Variants in C14orf93 observed in about 807,000 individuals in gnomAD.
C14orf93 encodes the protein uncharacterized protein C14orf93.
In C14orf93, 23 loss-of-function variants were observed where a neutral mutation model predicts 44.0. That is an observed-to-expected ratio of 0.52 (90% CI 0.38 to 0.74). C14orf93 has a LOEUF of 0.74. Ranked by LOEUF, C14orf93 falls within the 30% of genes least tolerant of loss-of-function variation. C14orf93 has a pLI of 0.00. For missense variants in C14orf93, 579 were observed against 678.9 expected (o/e 0.85, Z 1.64); for synonymous variants, 253 against 265.7 (o/e 0.95, Z 0.46).
At chr14:23,009,376 T>C (rs2046775371) in intron 1 of C14orf93, among the ~76,000 whole-genome samples, 1 of 152,176 alleles carries the variant, frequency 6.6e-6, no homozygotes, top group East Asian at 1.9e-4. Context: ...TAAAACCAGA[T>C]ATATTTATCA....
At chr14:23,003,633 A>AAAAAC (rs2046416447) in intron 1 of C14orf93, among the ~76,000 whole-genome samples, 1 of 151,754 alleles carries the variant, frequency 6.6e-6, no homozygotes, top group Admixed American at 6.6e-5. Flanking sequence ...TAAAGATACA[A>AAAAAC]AAAACAAAAC....
At chr14:22,991,603 A>C (rs1594610762) in intron 3 of C14orf93, among the ~76,000 whole-genome samples, 2 of 148,146 alleles carry the variant, frequency 1.4e-5, no homozygotes, top group South Asian at 2.2e-4. Context: ...ACAGAGTCTC[A>C]CTCTGTTGCC....
Position 22,998,574 on chromosome 14 carries a change from G to C in C14orf93, c.450C>G (p.Ser150Arg). Residue 150 changes from serine to arginine, a missense_variant, in exon 2 of 7, where the codon AGC becomes AGG. Transcript: ENST00000299088. ...GCTCCTCAATCACCACCTGCACGCC[G>C]CTGCCCACGCTGTCACACTCCTCTT... is the stretch of plus-strand genomic sequence containing the variant. ...AVEEECDSVGSGVQVVIEELR... is the reference protein window; with the variant it reads ...AVEEECDSVGRGVQVVIEELR... 6.2e-7 allele frequency: 1 copy of C among 1,614,090 alleles called. No homozygotes were observed. The highest frequency in any genetic ancestry group is 8.5e-7 in the Non-Finnish European group (1 of 1,180,006).
intron 5 of C14orf93, 31 bp from the exon 6 acceptor site, chr14:22,988,046 G>GGA: frequency 1.3e-6 from 2 of 1,517,284 alleles, no homozygotes; most frequent in Non-Finnish European, 1.8e-6. Context: ...GGAGCAAGAA[G>GGA]GAGGGTCCTC....
chr14:22,996,983 GCA>G lies in C14orf93; in HGVS notation c.598-717_598-716del, dbSNP rs200829885. Among the ~76,000 whole-genome samples, 401 of 62,236 alleles carry G rather than the reference GCA, an allele frequency of 6.4e-3. 3 individuals carry two copies. The highest frequency in any genetic ancestry group is 0.022 in the South Asian group (52 of 2,352). 40.8% of individuals were successfully genotyped at this position (62,236 alleles called of 152,430 possible). ...TGAAAGTGGGGACACACACGCACAC[GCA>G]CACACACACACACACACACACACAC... On this transcript the variant is annotated intron_variant, in intron 2 of 6. Coordinates refer to ENST00000299088, the MANE Select transcript of C14orf93 (RefSeq NM_021944.4). This position sits in a 1 kb window ranked among gnomAD's most constrained non-coding sequence, Gnocchi z 4.1.
chr14:23,003,782 CAG>C (rs1420429866), intron 1 of C14orf93, among the ~76,000 whole-genome samples: 1 of 136,168 alleles, frequency 7.3e-6, no homozygotes, highest in Non-Finnish European at 1.5e-5. Context: ...GCCTGGGAGA[CAG>C]GGCGAGACTC....
At chr14:23,001,495 C>T (rs1309282037) in intron 1 of C14orf93, among the ~76,000 whole-genome samples, 2 of 152,158 alleles carry the variant, frequency 1.3e-5, no homozygotes, top group African/African-American at 4.8e-5. Context: ...GACGGAGTCT[C>T]GCTCTGTTGC....
rs778633730 is a variant in C14orf93 at position 22,988,010 on chromosome 14, AGGCTCCT to A, written c.1085-2_1089del. The A allele has an allele frequency of 9.3e-6, 15 of 1,610,970 alleles. No individual in the cohort carries two copies. Among genetic ancestry groups the A allele is most frequent in the African/African-American group, 1.3e-5 (1 of 74,804 alleles). On this transcript the variant is annotated splice_acceptor_variant and coding_sequence_variant, in exon 6 of 7. Coordinates refer to ENST00000299088, the MANE Select transcript of C14orf93 (RefSeq NM_021944.4). LOFTEE classifies it high-confidence loss of function. ...CTCTTAGTAAGGAAGTAGGCCACACAGGCTCCTGGCGGGGAGGGAAGGAAGGGAGCAA... is the reference window on the plus strand; with the variant it reads ...CTCTTAGTAAGGAAGTAGGCCACACAGGCGGGGAGGGAAGGAAGGGAGCAA...
chr14:23,004,637 G>C (rs1261350098), intron 1 of C14orf93, among the ~76,000 whole-genome samples: 5 of 152,188 alleles, frequency 3.3e-5, no homozygotes, highest in Non-Finnish European at 5.9e-5. Flanking sequence ...AACAAATTGA[G>C]GCCAGGTGCA....
At position 22,998,508 on chromosome 14, in the gene C14orf93, C is replaced by T; in HGVS notation, c.516G>A (p.Leu172=). ...TGTCCCTCTGAGTTGCTGGGAAGCC[C>T]AAAGGCCCAGGCCCCACTGAGGCTG... ...LGAASVGPGP[L]GFPATQRDMR... Residue 172 remains leucine, a synonymous_variant, in exon 2 of 7, where the codon TTG becomes TTA. Transcript: ENST00000299088. 6.2e-7 allele frequency: 1 copy of T among 1,613,566 alleles called. No individual in the cohort carries two copies. The highest frequency in any genetic ancestry group is 8.5e-7 in the Non-Finnish European group (1 of 1,179,964).
chr14:23,004,049 A>G (rs1198028754), intron 1 of C14orf93, among the ~76,000 whole-genome samples: 1 of 145,066 alleles, frequency 6.9e-6, no homozygotes, highest in Non-Finnish European at 1.5e-5. Context: ...CGCTGGGACT[A>G]CAGGCATGTG....
At chr14:22,993,201 T>C (rs1243088920) in intron 3 of C14orf93, among the ~76,000 whole-genome samples, 1 of 152,210 alleles carries the variant, frequency 6.6e-6, no homozygotes, top group Non-Finnish European at 1.5e-5. Context: ...TTTTAACATG[T>C]CCTTCAATTA....
chr14:23,003,704 G>GA (rs1442098232), intron 1 of C14orf93, among the ~76,000 whole-genome samples: 1 of 150,946 alleles, frequency 6.6e-6, no homozygotes, highest in Non-Finnish European at 1.5e-5. Flanking sequence ...AGGAGGCTGA[G>GA]ACAGGAGGAT....
chr14:22,992,236 C>T (rs1268690517), intron 3 of C14orf93, among the ~76,000 whole-genome samples: 2 of 151,986 alleles, frequency 1.3e-5, no homozygotes, highest in African/African-American at 4.8e-5. Flanking sequence ...GAGGCCAAGG[C>T]GGGTGGATCA....
intron 2 of C14orf93, among the ~76,000 whole-genome samples, chr14:22,997,810 C>T (rs776421826): frequency 6.6e-6 from 1 of 152,096 alleles, no homozygotes; most frequent in East Asian, 1.9e-4. Flanking sequence ...CTACCTCCCC[C>T]TCGCCTTACC....
chr14:22,999,380 G>A lies in C14orf93; in HGVS notation c.-357C>T, dbSNP rs1023863523. The A allele has an allele frequency of 1.6e-5, 3 of 189,946 alleles. No individual in the cohort carries two copies. The Admixed American group carries it at 1.6e-4, about 10-fold the overall frequency. 11.8% of individuals were successfully genotyped at this position (189,946 alleles called of 1,614,324 possible). A position where few individuals can be genotyped will look rare whatever the true frequency, so the allele number is the denominator to read the frequency against. ...AGTGCAACCTAAGGAACAGGGAAGG[G>A]ATTCAGAAGGACCTTCCGGCATCTG... On this transcript the variant is annotated 5_prime_UTR_variant, in exon 2 of 7. Coordinates refer to ENST00000299088, the MANE Select transcript of C14orf93 (RefSeq NM_021944.4).
At position 22,996,959 on chromosome 14, in the gene C14orf93, G is replaced by T. The variant is rs546976003; in HGVS notation, c.598-691C>A. ...TCTGCAGTCAAGAAAACAAAATACT[G>T]AAAGTGGGGACACACACGCACACGC... On this transcript the variant is annotated intron_variant, in intron 2 of 6. Coordinates refer to ENST00000299088, the MANE Select transcript of C14orf93 (RefSeq NM_021944.4). The surrounding 1 kb of genome is among the most constrained non-coding windows in gnomAD (Gnocchi z 4.1). Among the ~76,000 whole-genome samples the T allele has an allele frequency of 6.6e-6, 1 of 151,694 alleles. No homozygotes were observed. Among genetic ancestry groups the T allele is most frequent in the Admixed American group, 6.6e-5 (1 of 15,258 alleles).
Position 22,987,905 on chromosome 14 carries a change from G to T in C14orf93, c.1195C>A (p.Arg399=). ...EEKKLRSRRY[R]LFANRSSIMR... ...GAAAGAAAGGCCTAGAAACCTACCC[G>T]ATATCGGCGACTTCGAAGTTTCTTC... The change falls in exon 6 of 7, where the codon CGG becomes AGG. Residue 399 remains arginine, a splice_region_variant and synonymous_variant. Transcript: ENST00000299088. This position sits in a 1 kb window ranked among gnomAD's most constrained non-coding sequence, Gnocchi z 5.6. 6.2e-7 allele frequency: 1 copy of T among 1,610,708 alleles called. No homozygotes were observed. The highest frequency in any genetic ancestry group is 8.5e-7 in the Non-Finnish European group (1 of 1,176,970).
At position 22,998,721 on chromosome 14, in the gene C14orf93, C is replaced by T. The variant is rs748257546; in HGVS notation, c.303G>A (p.Arg101=). 2.5e-6 allele frequency: 4 copies of T among 1,614,232 alleles called. No homozygotes were observed. Among genetic ancestry groups the T allele is most frequent in the Middle Eastern group, 1.6e-4 (1 of 6,062 alleles). Residue 101 remains arginine (R), a synonymous_variant, in exon 2 of 7, where the codon AGG becomes AGA. Transcript: ENST00000299088. Reference sequence around the variant, plus strand: ...CATCAGGGATGGACACTTTCCCTTGCCTCAGGTCACCCACTTCCTCCTGGA... The same window carrying T: ...CATCAGGGATGGACACTTTCCCTTGTCTCAGGTCACCCACTTCCTCCTGGA... The part of the protein sequence containing the change: ...KRLQEEVGDL[R]QGKVSIPDED...
Sources: allele counts gnomAD v4.1 joint callset (sites outside exome capture counted in the v4.1 genomes callset), GRCh38; gene constraint gnomAD v4.1.1; non-coding constraint Gnocchi (gnomAD v3.1); transcripts MANE v1.5; gene names NCBI Gene and HGNC (gene_info 2026-07-23, HGNC 2026-07-21).